LSAMP: variants seen among roughly 807,000 people sequenced by gnomAD.
The protein encoded by LSAMP is limbic system associated membrane protein.
Under a neutral mutation model 38.6 loss-of-function variants are expected in LSAMP, and 7 were observed. The ratio of observed to expected loss-of-function variants is 0.18; its 90% CI spans 0.10 to 0.34. The LOEUF (loss-of-function observed/expected upper bound fraction) is 0.34, where lower values mean the gene tolerates loss of function less well. LSAMP is among the 10% of genes least tolerant of loss of function. The pLI is 1.00. For missense variants in LSAMP, 313 were observed against 420.0 expected (o/e 0.75, Z 2.23); for synonymous variants, 154 against 166.8 (o/e 0.92, Z 0.59).
At chr3:115,921,501 A>C (rs1937381882) in intron 3 of LSAMP, among the ~76,000 whole-genome samples, 2 of 152,048 alleles carry the variant, frequency 1.3e-5, no homozygotes, top group African/African-American at 4.8e-5. Context: ...ATCCTTTTAT[A>C]GCATTATTCA....
intron 3 of LSAMP, among the ~76,000 whole-genome samples, chr3:115,895,957 A>C (rs751982440): frequency 6.6e-6 from 1 of 152,104 alleles, no homozygotes; most frequent in Non-Finnish European, 1.5e-5. Flanking sequence ...CAAGTTTATT[A>C]TTATGAACAT....
chr3:116,065,290 CAGTT>C (rs1707396992), intron 2 of LSAMP, among the ~76,000 whole-genome samples: 2 of 152,304 alleles, frequency 1.3e-5, no homozygotes, highest in Non-Finnish European at 2.9e-5. Flanking sequence ...AATTTTAAAA[CAGTT>C]AGATTTATAT....
chr3:116,011,370 T>G (rs1940319723), intron 3 of LSAMP, among the ~76,000 whole-genome samples: 1 of 152,172 alleles, frequency 6.6e-6, no homozygotes. Context: ...ACGAATGAGA[T>G]AAGCAGTCAT....
intron 1 of LSAMP, among the ~76,000 whole-genome samples, chr3:116,437,021 G>A (rs1226870179): frequency 6.9e-6 from 1 of 144,442 alleles, no homozygotes; most frequent in African/African-American, 2.7e-5. Context: ...ATATATATGT[G>A]TGTGTATATA....
Position 116,029,464 on chromosome 3 carries a change from G to A in LSAMP, c.389-9824C>T, listed in dbSNP as rs533300247. On this transcript the variant is annotated intron_variant, in intron 2 of 6. Transcript: ENST00000490035. Reference sequence around the variant, plus strand: ...TCAGTTACTCAAATTTCTCTGCCAGGAGTGATTACTAATGCTACATTCATG... The same window carrying A: ...TCAGTTACTCAAATTTCTCTGCCAGAAGTGATTACTAATGCTACATTCATG... Among the ~76,000 whole-genome samples the A allele has an allele frequency of 8.7e-5, 13 of 149,994 alleles. No homozygotes were observed. The South Asian group carries it at 2.1e-3, about 24-fold the overall frequency.
At chr3:116,302,909 A>G (rs2047433150) in intron 1 of LSAMP, among the ~76,000 whole-genome samples, 1 of 152,210 alleles carries the variant, frequency 6.6e-6, no homozygotes, top group South Asian at 2.1e-4. Flanking sequence ...TAAGTTAGTC[A>G]TATACATTTT....
chr3:116,010,723 C>T (rs1186456928), intron 3 of LSAMP, among the ~76,000 whole-genome samples: 1 of 152,146 alleles, frequency 6.6e-6, no homozygotes, highest in African/African-American at 2.4e-5. Context: ...GAGAACTTTC[C>T]TGAAATGTCC....
intron 6 of LSAMP, among the ~76,000 whole-genome samples, chr3:115,821,800 G>A (rs1391006479): frequency 6.6e-6 from 1 of 152,150 alleles, no homozygotes; most frequent in Non-Finnish European, 1.5e-5. Flanking sequence ...AAAAGAAACA[G>A]AGGAGGAGAT....
chr3:116,369,940 C>T (rs948193793), intron 1 of LSAMP: 2 of 152,498 alleles, frequency 1.3e-5, no homozygotes, highest in African/African-American at 4.8e-5. Flanking sequence ...AGAATCCAAC[C>T]CTGGTGCCGC....
intron 1 of LSAMP, among the ~76,000 whole-genome samples, chr3:116,337,426 A>G (rs945079251): frequency 2.6e-5 from 4 of 152,184 alleles, no homozygotes; most frequent in Admixed American, 2.6e-4. Flanking sequence ...CCATTGCTCC[A>G]TCTAGTGCTA....
At chr3:116,404,900 T>A (rs2048882277) in intron 1 of LSAMP, among the ~76,000 whole-genome samples, 1 of 152,086 alleles carries the variant, frequency 6.6e-6, no homozygotes, top group South Asian at 2.1e-4. Flanking sequence ...AAATGTCTCA[T>A]TTTCTAGTCT....
chr3:115,988,482 G>C (rs1939577662), intron 3 of LSAMP, among the ~76,000 whole-genome samples: 1 of 152,006 alleles, frequency 6.6e-6, no homozygotes, highest in Admixed American at 6.6e-5. Flanking sequence ...TTTGTTTTAA[G>C]AGAAATATGA....
intron 6 of LSAMP, among the ~76,000 whole-genome samples, chr3:115,835,850 C>A (rs1435721133): frequency 6.6e-6 from 1 of 152,176 alleles, no homozygotes; most frequent in Admixed American, 6.5e-5. Flanking sequence ...GCCCAGTGAA[C>A]AATTGTGTGT....
At chr3:116,005,397 C>A (rs79683182) in intron 3 of LSAMP, among the ~76,000 whole-genome samples, 1 of 152,216 alleles carries the variant, frequency 6.6e-6, no homozygotes, top group South Asian at 2.1e-4. Context: ...AGCCCTTTAT[C>A]CCATCCCAGT....
chr3:115,803,349 T>C lies in LSAMP; in HGVS notation c.*6968A>G, dbSNP rs1346258250. The C allele has an allele frequency of 6.6e-6, 1 of 152,288 alleles. No homozygotes were observed. Among genetic ancestry groups the C allele is most frequent in the Non-Finnish European group, 1.5e-5 (1 of 68,084 alleles). The allele number at this position is 152,288 out of a possible 1,614,324, so 9.4% of individuals were successfully genotyped here. On this transcript the variant is annotated 3_prime_UTR_variant, in exon 7 of 7. Transcript: ENST00000490035. ...ACTCTTCAGTGACTGGAAACTCTGA[T>C]GCCTTCTGTTCTTTCAGACAATAAA... is the stretch of plus-strand genomic sequence containing the variant.
intron 3 of LSAMP, among the ~76,000 whole-genome samples, chr3:116,000,104 G>A (rs1939947116): frequency 6.6e-6 from 1 of 151,850 alleles, no homozygotes; most frequent in Non-Finnish European, 1.5e-5. Flanking sequence ...AGTATCAAGA[G>A]AAGATTCAAG....
At chr3:116,443,515 T>C (rs1247985819) in intron 1 of LSAMP, among the ~76,000 whole-genome samples, 1 of 152,076 alleles carries the variant, frequency 6.6e-6, no homozygotes, top group Non-Finnish European at 1.5e-5. Context: ...CTTTCGTCTC[T>C]AACAAGGCTA....
chr3:116,143,206 A>G (rs980720177), intron 1 of LSAMP, among the ~76,000 whole-genome samples: 14 of 151,798 alleles, frequency 9.2e-5, no homozygotes, highest in African/African-American at 3.1e-4. Flanking sequence ...CTTTCTGAAT[A>G]ACGTGATTAA....
chr3:116,403,302 C>T (rs1283911357), intron 1 of LSAMP, among the ~76,000 whole-genome samples: 2 of 152,110 alleles, frequency 1.3e-5, no homozygotes, highest in Non-Finnish European at 2.9e-5. Context: ...GTTAAAACTA[C>T]ATAATTGTGA....
Sources: allele counts gnomAD v4.1 joint callset (sites outside exome capture counted in the v4.1 genomes callset), GRCh38; gene constraint gnomAD v4.1.1; transcripts MANE v1.5; gene names NCBI Gene and HGNC (gene_info 2026-07-23, HGNC 2026-07-21).